Variants in ZNF248 observed in about 807,000 individuals in gnomAD.
ZNF248 encodes the protein KRAB protein domain.
In ZNF248, 20 loss-of-function variants were observed where a neutral mutation model predicts 44.3. The ratio of observed to expected loss-of-function variants is 0.45; its 90% CI spans 0.32 to 0.66. The LOEUF is 0.66. Ranked by LOEUF, ZNF248 falls within the 30% of genes least tolerant of loss-of-function variation. ZNF248 has a pLI of 0.04. For synonymous variants in ZNF248, 224 were observed against 229.0 expected, an observed-to-expected ratio of 0.98 and a Z score of 0.20; for missense variants, 654 against 677.0, an observed-to-expected ratio of 0.97 and a Z score of 0.38.
chr10:37,799,495 G>A (rs922972377), intron 6 of ZNF248, among the ~76,000 whole-genome samples: 2 of 152,160 alleles, frequency 1.3e-5, no homozygotes, highest in Admixed American at 1.3e-4. Context: ...GGAGGCAGAG[G>A]TTGCAGTGAG....
intron 6 of ZNF248, among the ~76,000 whole-genome samples, chr10:37,789,033 G>A (rs138512023): frequency 0.011 from 1,659 of 152,066 alleles, 36 homozygotes; most frequent in African/African-American, 0.038. Flanking sequence ...CTCCATCCCC[G>A]GCTAAAGTTT....
chr10:37,762,981 G>C, the ZNF248 span, among the ~76,000 whole-genome samples: 5 of 152,056 alleles, frequency 3.3e-5, no homozygotes, highest in Admixed American at 3.3e-4. Flanking sequence ...ACACTGTTGG[G>C]CTTCTTTATT....
At chr10:37,773,810 G>C (rs1441146776), downstream of ZNF248, among the ~76,000 whole-genome samples, 1 of 152,044 alleles carries the variant, frequency 6.6e-6, no homozygotes, top group Non-Finnish European at 1.5e-5. Context: ...CTCTGTAAAG[G>C]CCCTATCTCC....
rs1048192131 is a variant in ZNF248, at chr10:37,809,009, A to G, written c.330+24016T>C. On this transcript the variant is annotated intron_variant, in intron 6 of 6. Coordinates refer to the ZNF248 transcript ENST00000615949. ...TGAGCCATTTCATCTATGTTATCCA[A>G]TTTGTTGTAGTAAGTTGTTCTTAGT... Among the ~76,000 whole-genome samples, 31 of 152,094 alleles carry G rather than the reference A, an allele frequency of 2.0e-4. 1 individual carries two copies. Among genetic ancestry groups the G allele is most frequent in the African/African-American group, 6.7e-4 (28 of 41,528 alleles).
the ZNF248 span, among the ~76,000 whole-genome samples, chr10:37,759,492 G>C: frequency 6.6e-6 from 1 of 152,226 alleles, no homozygotes; most frequent in African/African-American, 2.4e-5. Context: ...AGCAGGGGAT[G>C]TGTTCCAGAG....
rs11011379 is a variant in ZNF248 at position 37,832,703 on chromosome 10, T to C, written c.652A>G (p.Lys218Glu). The C allele has an allele frequency of 0.016, 26,117 of 1,613,540 alleles. 270 individuals are homozygous for C. The highest frequency in any genetic ancestry group is 0.056 in the Middle Eastern group (338 of 6,062). ...TCATCATGGAAGCCTTGTCCATTTT[T>C]ACTATACTCAAAAGATTGGCCAAAA... ...PSFGQSFEYS[K>E]NGQGFHDEAA... The change falls in exon 6 of 6, where the codon AAA becomes GAA. Residue 218 changes from lysine to glutamate, a missense_variant. Transcript: ENST00000395867.
chr10:37,787,402 T>A (rs1008027178), intron 6 of ZNF248, among the ~76,000 whole-genome samples: 1 of 152,026 alleles, frequency 6.6e-6, no homozygotes, highest in African/African-American at 2.4e-5. Context: ...TAATGGAAAT[T>A]AATTGAGTCC....
intron 3 of ZNF248, among the ~76,000 whole-genome samples, chr10:37,852,951 T>C (rs1037800793): frequency 1.3e-5 from 2 of 151,930 alleles, no homozygotes; most frequent in Non-Finnish European, 2.9e-5. Flanking sequence ...AACCTCTGCC[T>C]CCTGGGTTCA....
the ZNF248 span, among the ~76,000 whole-genome samples, chr10:37,759,058 T>C: frequency 1.3e-5 from 2 of 152,174 alleles, no homozygotes; most frequent in African/African-American, 4.8e-5. Context: ...TGGACCTCTC[T>C]TGGAAGCCAC....
chr10:37,793,184 A>T (rs573798033), intron 6 of ZNF248, among the ~76,000 whole-genome samples: 44 of 152,028 alleles, frequency 2.9e-4, no homozygotes, highest in African/African-American at 9.9e-4. Flanking sequence ...ATACAAAAAA[A>T]ATTACCCAGG....
chr10:37,823,458 A>C (rs565386414), intron 6 of ZNF248, among the ~76,000 whole-genome samples: 1 of 152,246 alleles, frequency 6.6e-6, no homozygotes, highest in Non-Finnish European at 1.5e-5. Flanking sequence ...TATATTTTCA[A>C]ATCTTCTGTA....
chr10:37,780,078 T>C (rs1307171712), intron 6 of ZNF248, among the ~76,000 whole-genome samples: 1 of 149,870 alleles, frequency 6.7e-6, no homozygotes, highest in East Asian at 1.9e-4. Context: ...ATTGTGAAAA[T>C]GGCCATACTG....
the ZNF248 span, among the ~76,000 whole-genome samples, chr10:37,760,627 A>C: frequency 3.9e-5 from 6 of 152,210 alleles, no homozygotes; most frequent in African/African-American, 1.4e-4. Context: ...CAAGGTCAGC[A>C]GCTCGAGACA....
rs780802204 is a variant in ZNF248, at chr10:37,832,384, A to C, written c.971T>G (p.Leu324Arg). Residue 324 changes from leucine to arginine, a missense_variant, in exon 6 of 6, where the codon CTC becomes CGC. Coordinates refer to ENST00000395867, the MANE Select transcript of ZNF248 (RefSeq NM_021045.3). Reference sequence around the variant, plus strand: ...TTTGTCACTCACTTTATATTCACGGAGAATCTTTCTTGTGTAAGCTCCCTG... The same window carrying C: ...TTTGTCACTCACTTTATATTCACGGCGAATCTTTCTTGTGTAAGCTCCCTG... Reference protein sequence around the residue: ...IHQGAYTRKILREYKVSDKTW... With the variant: ...IHQGAYTRKIRREYKVSDKTW... 3 of 1,614,032 alleles carry C rather than the reference A, an allele frequency of 1.9e-6. No individual in the cohort carries two copies. In the African/African-American group the frequency reaches 4.0e-5, roughly 22 times the overall value.
chr10:37,835,736 C>T (rs2057027457), intron 5 of ZNF248, among the ~76,000 whole-genome samples: 1 of 152,118 alleles, frequency 6.6e-6, no homozygotes, highest in Non-Finnish European at 1.5e-5. Context: ...ATGTGGCCTG[C>T]CAAGCCTCAA....
intron 6 of ZNF248, among the ~76,000 whole-genome samples, chr10:37,793,972 T>A (rs2048850418): frequency 1.3e-5 from 2 of 152,182 alleles, no homozygotes; most frequent in South Asian, 4.1e-4. Flanking sequence ...CAACTGTCCA[T>A]AAGGTTTAAA....
rs1171066933 is a variant in ZNF248 at position 37,830,997 on chromosome 10, C to T, written c.*618G>A. The T allele has an allele frequency of 3.9e-6, 3 of 767,818 alleles. No individual in the cohort carries two copies. Among genetic ancestry groups the T allele is most frequent in the Non-Finnish European group, 5.0e-6 (3 of 594,088 alleles). 47.6% of individuals were successfully genotyped at this position (767,818 alleles called of 1,614,324 possible). A position where few individuals can be genotyped will look rare whatever the true frequency, so the allele number is the denominator to read the frequency against. The stretch of plus-strand genomic sequence containing the variant: ...AAGTCAGTATGAGGTTATACTAGCA[C>T]ATCACTATATTTAAGTATGTGTGTA... On this transcript the variant is annotated 3_prime_UTR_variant, in exon 6 of 6. Transcript: ENST00000395867.
At chr10:37,769,810 T>C in the ZNF248 span, among the ~76,000 whole-genome samples, 3 of 152,112 alleles carry the variant, frequency 2.0e-5, no homozygotes, top group Non-Finnish European at 2.9e-5. Flanking sequence ...GGGTATTCAA[T>C]TAGGAAAAGA....
rs143408081 is a variant in ZNF248 at position 37,833,043 on chromosome 10, T to C, written c.312A>G (p.Leu104=). The stretch of plus-strand genomic sequence containing the variant: ...CACTTACTGTTTTGTTGTTGTGGAA[T>C]AGAAGCTCCCAAAAATGGTCATCTT... ...ENEDDHFWEL[L]FHNNKTVSVE... Residue 104 remains leucine, a synonymous_variant, in exon 6 of 6, where the codon CTA becomes CTG. Transcript: ENST00000395867. 1.1e-5 allele frequency: 17 copies of C among 1,612,514 alleles called. No homozygotes were observed. The highest frequency in any genetic ancestry group is 1.7e-4 in the Middle Eastern group (1 of 6,046).
Sources: allele counts gnomAD v4.1 joint callset (sites outside exome capture counted in the v4.1 genomes callset), GRCh38; gene constraint gnomAD v4.1.1; transcripts MANE v1.5; gene names NCBI Gene and HGNC (gene_info 2026-07-23, HGNC 2026-07-21).